Variants in OSBPL11 observed in about 807,000 individuals in gnomAD.
The protein encoded by OSBPL11 is oxysterol-binding protein-related protein 11.
OSBPL11 carries 33 observed loss-of-function variants against 84.4 expected under a neutral mutation model. The observed-to-expected ratio is 0.39, with a 90% confidence interval of 0.30 to 0.52. The LOEUF (loss-of-function observed/expected upper bound fraction) is 0.52, where lower values mean the gene tolerates loss of function less well. Ranked by LOEUF, OSBPL11 falls within the 20% of genes least tolerant of loss-of-function variation. The pLI, the probability that OSBPL11 is intolerant of heterozygous loss-of-function variation, is 0.72. For missense variants in OSBPL11, 736 were observed against 901.1 expected, an observed-to-expected ratio of 0.82 and a Z score of 2.35; for synonymous variants, 276 against 310.2, an observed-to-expected ratio of 0.89 and a Z score of 1.16.
intron 10 of OSBPL11, among the ~76,000 whole-genome samples, chr3:125,543,026 G>C (rs937872555): frequency 1.3e-5 from 2 of 151,904 alleles, no homozygotes; most frequent in East Asian, 1.9e-4. Context: ...GAAAGGAAAT[G>C]GTTATTGAAT....
intron 1 of OSBPL11, among the ~76,000 whole-genome samples, chr3:125,588,221 CAAAA>C (rs35794012): frequency 3.9e-5 from 2 of 51,644 alleles, no homozygotes; most frequent in Non-Finnish European, 3.9e-5. Flanking sequence ...GACCCTGTCT[CAAAA>C]AAAAAAAAAA....
intron 8 of OSBPL11, among the ~76,000 whole-genome samples, chr3:125,556,298 A>G (rs1419659005): frequency 6.6e-6 from 1 of 152,208 alleles, no homozygotes; most frequent in East Asian, 1.9e-4. Flanking sequence ...TAGCCTAGTG[A>G]AACTGATCCC....
rs764402305 is a variant in OSBPL11 at position 125,530,598 on chromosome 3, A to G, written c.2179-18T>C. The G allele has an allele frequency of 1.6e-5, 25 of 1,590,654 alleles. No individual in the cohort carries two copies. The highest frequency in any genetic ancestry group is 1.7e-6 in the Non-Finnish European group (2 of 1,159,032). On this transcript the variant is annotated intron_variant, in intron 12 of 12. Coordinates refer to ENST00000296220, the MANE Select transcript of OSBPL11 (RefSeq NM_022776.5). ...CCATCTCCCTGAAACAAATAAAAAG[A>G]TAAAGAATCATCCCTCTAATATTAT...
At chr3:125,559,892 G>C (rs1049227404) in intron 8 of OSBPL11, among the ~76,000 whole-genome samples, 1 of 151,030 alleles carries the variant, frequency 6.6e-6, no homozygotes, top group Non-Finnish European at 1.5e-5. Flanking sequence ...GGCCAAGAAA[G>C]CCATTTTTTA....
chr3:125,551,211 G>C lies in OSBPL11; in HGVS notation c.1654+970C>G, dbSNP rs534763987. On this transcript the variant is annotated intron_variant, in intron 9 of 12. Coordinates refer to ENST00000296220, the MANE Select transcript of OSBPL11 (RefSeq NM_022776.5). ...TTAAATTAAATTAAATTAAAAAAAA[G>C]GATGGAAAATCTATTTCATAGAATA... 1.0e-4 allele frequency among the ~76,000 whole-genome samples: 15 copies of C among 144,676 alleles called. No individual in the cohort carries two copies. In the East Asian group the frequency reaches 3.0e-3, roughly 29 times the overall value. The allele number at this position is 144,676 out of a possible 152,430, so 94.9% of individuals were successfully genotyped here. A position where few individuals can be genotyped will look rare whatever the true frequency, so the allele number is the denominator to read the frequency against.
chr3:125,567,721 G>T, intron 5 of OSBPL11, 126 bp from the exon 6 acceptor site: 2 of 738,218 alleles, frequency 2.7e-6, no homozygotes, highest in East Asian at 2.7e-5. Flanking sequence ...GGCTAGGCAT[G>T]GTGGCTCACA....
chr3:125,580,174 C>T (rs1212812813), intron 2 of OSBPL11, 134 bp from the exon 3 acceptor site: 2 of 733,938 alleles, frequency 2.7e-6, no homozygotes, highest in African/African-American at 3.6e-5. Flanking sequence ...TCAAGAGGTA[C>T]CTGGAAACAC....
At chr3:125,561,884 C>G (rs1387304463) in intron 7 of OSBPL11, among the ~76,000 whole-genome samples, 5 of 152,166 alleles carry the variant, frequency 3.3e-5, no homozygotes, top group Admixed American at 3.3e-4. Flanking sequence ...TATATTATCC[C>G]TACCTTACCG....
chr3:125,542,499 C>A (rs1035174486), intron 10 of OSBPL11, among the ~76,000 whole-genome samples: 3 of 149,168 alleles, frequency 2.0e-5, no homozygotes, highest in African/African-American at 7.5e-5. Flanking sequence ...CCATGTCCTG[C>A]TAATTTTGTA....
Position 125,588,521 on chromosome 3 carries a change from C to G in OSBPL11, c.165-5543G>C, listed in dbSNP as rs375969805. Among the ~76,000 whole-genome samples the G allele has an allele frequency of 1.2e-4, 19 of 152,208 alleles. No individual in the cohort carries two copies. In the South Asian group the frequency reaches 2.1e-3, roughly 17 times the overall value. ...TCCTGGAAAAGCCAAATAGCGATAC[C>G]TTAAGGTATTTAACTACAGGCAGGA... On this transcript the variant is annotated intron_variant, in intron 1 of 12. Coordinates refer to ENST00000296220, the MANE Select transcript of OSBPL11 (RefSeq NM_022776.5).
intron 7 of OSBPL11, among the ~76,000 whole-genome samples, chr3:125,562,116 A>G (rs1422069033): frequency 2.0e-5 from 3 of 152,050 alleles, no homozygotes; most frequent in African/African-American, 4.8e-5. Flanking sequence ...CTTTCTCCCC[A>G]AAGCATTTCT....
At chr3:125,560,677 G>A (rs1374492753) in intron 7 of OSBPL11, among the ~76,000 whole-genome samples, 158 bp from the exon 8 acceptor site, 1 of 152,200 alleles carries the variant, frequency 6.6e-6, no homozygotes, top group Non-Finnish European at 1.5e-5. Flanking sequence ...TTTGTCCATG[G>A]TATAAATTTC....
intron 6 of OSBPL11, among the ~76,000 whole-genome samples, chr3:125,566,744 T>C (rs963200963): frequency 1.3e-5 from 2 of 151,972 alleles, no homozygotes; most frequent in African/African-American, 2.4e-5. Context: ...TTTCAACAAA[T>C]AGATGTTCTC....
At chr3:125,583,115 T>C (rs1202806754) in intron 1 of OSBPL11, 137 bp from the exon 2 acceptor site, 2 of 584,064 alleles carry the variant, frequency 3.4e-6, no homozygotes, top group African/African-American at 2.0e-5. Context: ...GTAAAATGTA[T>C]AGGTCAACAG....
Position 125,550,248 on chromosome 3 carries a change from G to A in OSBPL11, c.1654+1933C>T, listed in dbSNP as rs564995367. 3.8e-4 allele frequency among the ~76,000 whole-genome samples: 57 copies of A among 151,744 alleles called. No homozygotes were observed. The South Asian group carries it at 9.8e-3, about 26-fold the overall frequency. ...AAATTGGTTGGGCATGGTGGCGCAC[G>A]CCTGTAATCCCAGCTACTGTGGAAG... is the stretch of plus-strand genomic sequence containing the variant. On this transcript the variant is annotated intron_variant, in intron 9 of 12. Transcript: ENST00000296220.
intron 2 of OSBPL11, among the ~76,000 whole-genome samples, chr3:125,581,695 CAAAAAAAAAA>C (rs1189619626): frequency 1.6e-5 from 1 of 63,810 alleles, no homozygotes; most frequent in East Asian, 5.5e-4. Context: ...GACTCCATCT[CAAAAAAAAAA>C]AAAAAAAAAA....
At chr3:125,537,755 T>G (rs780905643) in intron 11 of OSBPL11, among the ~76,000 whole-genome samples, 27 of 152,218 alleles carry the variant, frequency 1.8e-4, no homozygotes, top group Non-Finnish European at 3.5e-4. Context: ...ATAGGAATCT[T>G]GTAAAAATTA....
intron 5 of OSBPL11, among the ~76,000 whole-genome samples, chr3:125,568,430 C>CA (rs1052383358): frequency 0.038 from 2,828 of 75,224 alleles, 35 homozygotes; most frequent in African/African-American, 0.065. Context: ...GACTACGTCT[C>CA]AAAAAAAAAA....
At chr3:125,545,748 T>C (rs1935802718) in intron 10 of OSBPL11, among the ~76,000 whole-genome samples, 2 of 151,930 alleles carry the variant, frequency 1.3e-5, no homozygotes, top group Admixed American at 1.3e-4. Flanking sequence ...GACATGAGAA[T>C]GGGGAATAGT....
Sources: allele counts gnomAD v4.1 joint callset (sites outside exome capture counted in the v4.1 genomes callset), GRCh38; gene constraint gnomAD v4.1.1; transcripts MANE v1.5; gene names NCBI Gene and HGNC (gene_info 2026-07-23, HGNC 2026-07-21).